The following NEURL1 variants were observed in gnomAD, a reference collection of about 807,000 sequenced individuals.
The protein encoded by NEURL1 is neuralized E3 ubiquitin protein ligase 1.
Under a neutral mutation model 41.2 loss-of-function variants are expected in NEURL1, and 26 were observed. That is an observed-to-expected ratio of 0.63 (90% CI 0.46 to 0.87). The LOEUF is 0.87. Ranked by LOEUF, NEURL1 falls within the 40% of genes least tolerant of loss-of-function variation. The pLI, the probability that NEURL1 is intolerant of heterozygous loss-of-function variation, is 0.00. For synonymous variants in NEURL1, 400 were observed against 402.3 expected, an observed-to-expected ratio of 0.99 and a Z score of 0.07; for missense variants, 761 against 871.1, an observed-to-expected ratio of 0.87 and a Z score of 1.59.
chr10:103,528,732 A>G (rs908219451), intron 1 of NEURL1, among the ~76,000 whole-genome samples: 3 of 152,202 alleles, frequency 2.0e-5, no homozygotes, highest in Admixed American at 2.0e-4. Context: ...AATATAAGTA[A>G]AAGCATTCCA....
chr10:103,538,980 G>A (rs552912491), intron 1 of NEURL1, among the ~76,000 whole-genome samples: 25 of 121,660 alleles, frequency 2.1e-4, no homozygotes, highest in Non-Finnish European at 3.6e-4. Flanking sequence ...AGGGTATTTC[G>A]CTGTTACCCA....
chr10:103,543,065 G>A (rs2034853672), intron 1 of NEURL1, among the ~76,000 whole-genome samples: 1 of 152,328 alleles, frequency 6.6e-6, no homozygotes, highest in South Asian at 2.1e-4. Flanking sequence ...GCTATAAATG[G>A]TTTATGCAAA....
intron 1 of NEURL1, among the ~76,000 whole-genome samples, chr10:103,530,126 T>C (rs1159964374): frequency 6.6e-6 from 1 of 152,192 alleles, no homozygotes; most frequent in Non-Finnish European, 1.5e-5. Context: ...GTCAATTATG[T>C]TTATTCTCTC....
intron 3 of NEURL1, 92 bp downstream of exon 3, chr10:103,571,914 A>T (rs2035559896): frequency 2.4e-6 from 3 of 1,268,336 alleles, no homozygotes; most frequent in Admixed American, 4.9e-5. Context: ...CATCAGGCGT[A>T]GGGACCCCTC....
intron 1 of NEURL1, among the ~76,000 whole-genome samples, chr10:103,496,980 C>T (rs141902719): frequency 3.0e-4 from 45 of 152,270 alleles, no homozygotes; most frequent in Non-Finnish European, 5.6e-4. Context: ...CCCATCCACA[C>T]ACCACTGTAG....
In NEURL1 at chr10:103,545,338, G is replaced by T. The variant is rs552862329; in HGVS notation, c.86-25534G>T. On this transcript the variant is annotated intron_variant, in intron 1 of 5. Coordinates refer to ENST00000369780, the MANE Select transcript of NEURL1 (RefSeq NM_004210.5). The surrounding 1 kb of genome is among the most constrained non-coding windows in gnomAD (Gnocchi z 4.5). ...CCAGCCACATGCCCATGGTCCCCAG[G>T]TCTTTAGGGACTAAAAGCCCCTGTT... is the stretch of plus-strand genomic sequence containing the variant. Among the ~76,000 whole-genome samples the T allele has an allele frequency of 6.6e-5, 10 of 152,344 alleles. No homozygotes were observed. In the South Asian group the frequency reaches 2.1e-3, roughly 32 times the overall value.
At position 103,494,301 on chromosome 10, in the gene NEURL1, C is replaced by T. The variant is rs2033626212; in HGVS notation, c.-87C>T. The T allele has an allele frequency of 8.9e-7, 1 of 1,127,940 alleles. No individual in the cohort carries two copies. The highest frequency in any genetic ancestry group is 1.2e-6 in the Non-Finnish European group (1 of 806,384). 69.9% of individuals were successfully genotyped at this position (1,127,940 alleles called of 1,614,324 possible). The stretch of plus-strand genomic sequence containing the variant: ...GGGCCCTCCCCCGGTGGCGCGCACC[C>T]GCGCGCGCACACTCGCACACCGCAC... On this transcript the variant is annotated 5_prime_UTR_variant, in exon 1 of 6. Coordinates refer to ENST00000369780, the MANE Select transcript of NEURL1 (RefSeq NM_004210.5).
rs754182277 is a variant in NEURL1, at chr10:103,494,361, G to C, written c.-27G>C. Reference sequence around the variant, plus strand: ...TGCCCGGCCTCGCCCCCACCCGCGAGCGCCGAACCTCCTGGGGCCGGATGC... The same window carrying C: ...TGCCCGGCCTCGCCCCCACCCGCGACCGCCGAACCTCCTGGGGCCGGATGC... On this transcript the variant is annotated 5_prime_UTR_variant, in exon 1 of 6. Transcript: ENST00000369780. The C allele has an allele frequency of 6.4e-7, 1 of 1,556,370 alleles. No homozygotes were observed. The highest frequency in any genetic ancestry group is 1.2e-5 in the South Asian group (1 of 85,286).
rs188493465 is a variant in NEURL1, at chr10:103,558,831, A to G, written c.86-12041A>G. On this transcript the variant is annotated intron_variant, in intron 1 of 5. Coordinates refer to ENST00000369780, the MANE Select transcript of NEURL1 (RefSeq NM_004210.5). The surrounding 1 kb of genome is among the most constrained non-coding windows in gnomAD (Gnocchi z 4.2). The stretch of plus-strand genomic sequence containing the variant: ...CCACTTCCTCCTTCACCTCCCTTCA[A>G]TGCTCCCTCAGGGCAAGGAAGGGAC... 1.9e-3 allele frequency among the ~76,000 whole-genome samples: 282 copies of G among 151,834 alleles called. No individual in the cohort carries two copies. Among genetic ancestry groups the G allele is most frequent in the African/African-American group, 4.9e-3 (202 of 41,408 alleles).
chr10:103,530,197 T>G lies in NEURL1; in HGVS notation c.85+35725T>G, dbSNP rs146691046. Among the ~76,000 whole-genome samples, 260 of 152,308 alleles carry G rather than the reference T, an allele frequency of 1.7e-3. 6 individuals are homozygous for G. The East Asian group carries it at 0.04, about 23-fold the overall frequency. The stretch of plus-strand genomic sequence containing the variant: ...TTTCTTTAGTCTCAATTTATTTTAT[T>G]TCTACTCTGGTCTTTACTATACCTT... On this transcript the variant is annotated intron_variant, in intron 1 of 5. Transcript: ENST00000369780.
chr10:103,586,454 GTTTTTC>G (rs2035926388), intron 4 of NEURL1, among the ~76,000 whole-genome samples: 1 of 152,122 alleles, frequency 6.6e-6, no homozygotes, highest in African/African-American at 2.4e-5. Flanking sequence ...CATCTGAATT[GTTTTTC>G]TTTAGTAAGT....
intron 1 of NEURL1, among the ~76,000 whole-genome samples, chr10:103,521,628 A>G (rs927816920): frequency 1.3e-5 from 2 of 152,222 alleles, no homozygotes; most frequent in Non-Finnish European, 2.9e-5. Flanking sequence ...AGAAGAGGTT[A>G]TGAAATGATG....
At chr10:103,533,231 T>C (rs1209905619) in intron 1 of NEURL1, among the ~76,000 whole-genome samples, 2 of 152,112 alleles carry the variant, frequency 1.3e-5, no homozygotes, top group African/African-American at 4.8e-5. Flanking sequence ...CTGGCCCTTC[T>C]CTTCTCCTTT....
intron 3 of NEURL1, among the ~76,000 whole-genome samples, chr10:103,577,070 A>C (rs932412692): frequency 6.6e-6 from 1 of 152,224 alleles, no homozygotes; most frequent in Non-Finnish European, 1.5e-5. Flanking sequence ...ATATTAGTTT[A>C]AGGAGCCTGA....
At chr10:103,578,703 T>C (rs2035720757) in intron 3 of NEURL1, among the ~76,000 whole-genome samples, 1 of 152,202 alleles carries the variant, frequency 6.6e-6, no homozygotes, top group East Asian at 1.9e-4. Context: ...GTTCTGCCCT[T>C]CCCTCTGTGA....
intron 1 of NEURL1, among the ~76,000 whole-genome samples, chr10:103,533,386 T>G (rs1302092309): frequency 6.6e-6 from 1 of 151,936 alleles, no homozygotes; most frequent in African/African-American, 2.4e-5. Flanking sequence ...TTTTTTTTTT[T>G]GAGATGGAGT....
chr10:103,588,471 G>T (rs573864871), intron 4 of NEURL1, among the ~76,000 whole-genome samples: 8 of 152,216 alleles, frequency 5.3e-5, no homozygotes, highest in African/African-American at 1.7e-4. Context: ...TAGTCAGGGC[G>T]GCCCAGAGGA....
chr10:103,551,951 G>A (rs2035040727), intron 1 of NEURL1, among the ~76,000 whole-genome samples: 1 of 152,154 alleles, frequency 6.6e-6, no homozygotes, highest in Non-Finnish European at 1.5e-5. Context: ...CCCCAAACCT[G>A]CCCCATCCCT....
chr10:103,547,501 G>A (rs1285472441), intron 1 of NEURL1, among the ~76,000 whole-genome samples: 1 of 152,210 alleles, frequency 6.6e-6, no homozygotes, highest in East Asian at 1.9e-4. Flanking sequence ...AGCTGGTCCT[G>A]GGCTTGGCCA....
Sources: gnomAD v4.1 joint callset for allele counts (sites outside exome capture counted in the v4.1 genomes callset) on GRCh38, gnomAD v4.1.1 for gene constraint, Gnocchi (gnomAD v3.1) non-coding constraint, MANE v1.5 for transcripts, NCBI Gene and HGNC (gene_info 2026-07-23, HGNC 2026-07-21) for gene names.